The following SORCS3 variants were observed in gnomAD, a reference collection of about 807,000 sequenced individuals.
SORCS3 encodes the protein sortilin related VPS10 domain containing receptor 3, also known as VPS10 domain-containing receptor SorCS3.
SORCS3 carries 57 observed loss-of-function variants against 146.3 expected under a neutral mutation model. The ratio of observed to expected loss-of-function variants is 0.39; its 90% CI spans 0.31 to 0.49. SORCS3 has a LOEUF of 0.49. Among genes scored for constraint, SORCS3 ranks in the 20% least tolerant of loss-of-function variants. The pLI is 0.92. For missense variants in SORCS3, 1,341 were observed against 1,575.5 expected (o/e 0.85, Z 2.52); for synonymous variants, 653 against 618.5 (o/e 1.06, Z -0.83).
chr10:104,670,966 G>T (rs2015844199), intron 1 of SORCS3, among the ~76,000 whole-genome samples: 1 of 151,688 alleles, frequency 6.6e-6, no homozygotes, highest in African/African-American at 2.4e-5. Flanking sequence ...TTTTCCAATT[G>T]TTCCTTGTTA....
At chr10:104,901,654 G>T (rs1398175658) in intron 2 of SORCS3, among the ~76,000 whole-genome samples, 1 of 152,038 alleles carries the variant, frequency 6.6e-6, no homozygotes, top group Non-Finnish European at 1.5e-5. Context: ...GTGCTATGTC[G>T]TCTTGCCCAG....
At chr10:104,737,631 C>T (rs1175237895) in intron 1 of SORCS3, among the ~76,000 whole-genome samples, 75 of 151,796 alleles carry the variant, frequency 4.9e-4, no homozygotes, top group Admixed American at 2.1e-3. Context: ...GGGTTGTTTG[C>T]TTTTTTCTTG....
At chr10:104,849,692 A>C (rs1272930238) in intron 2 of SORCS3, among the ~76,000 whole-genome samples, 1 of 152,248 alleles carries the variant, frequency 6.6e-6, no homozygotes, top group Non-Finnish European at 1.5e-5. Flanking sequence ...TCAGTGAAAT[A>C]ATGCATGGAA....
At chr10:105,126,832 T>G (rs1218401553) in intron 7 of SORCS3, among the ~76,000 whole-genome samples, 2 of 152,112 alleles carry the variant, frequency 1.3e-5, no homozygotes, top group Non-Finnish European at 2.9e-5. Context: ...ACACACTGAG[T>G]AAATTGTTGT....
intron 2 of SORCS3, among the ~76,000 whole-genome samples, chr10:104,876,443 T>C (rs181247532): frequency 3.9e-5 from 6 of 152,304 alleles, no homozygotes; most frequent in Admixed American, 3.9e-4. Flanking sequence ...ACAGAGGTTG[T>C]CTGGCACTTA....
chr10:105,210,007 T>C (rs2056624602), intron 16 of SORCS3, among the ~76,000 whole-genome samples: 1 of 152,138 alleles, frequency 6.6e-6, no homozygotes, highest in African/African-American at 2.4e-5. Context: ...TTTTTAAGTT[T>C]TTTATTATTA....
chr10:105,082,519 G>C (rs2055632453), intron 5 of SORCS3, among the ~76,000 whole-genome samples: 1 of 152,154 alleles, frequency 6.6e-6, no homozygotes, highest in Admixed American at 6.6e-5. Context: ...ACTCTATGAA[G>C]TAGGTATTAT....
intron 19 of SORCS3, among the ~76,000 whole-genome samples, chr10:105,221,306 A>G (rs919463278): frequency 3.3e-5 from 5 of 152,214 alleles, no homozygotes; most frequent in African/African-American, 1.2e-4. Context: ...CCTATGACAC[A>G]GAATATGTCC....
rs150802742 is a variant in SORCS3, at chr10:104,774,921, T to C, written c.628-67871T>C. 3.4e-3 allele frequency among the ~76,000 whole-genome samples: 518 copies of C among 152,286 alleles called. 3 individuals carry two copies. Among genetic ancestry groups the C allele is most frequent in the African/African-American group, 0.012 (498 of 41,540 alleles). Reference sequence around the variant, plus strand: ...GAGCTGAGACATTCCTATTTAGGCTTGTTTTATGTTCTAATTCCCAAGGAC... The same window carrying C: ...GAGCTGAGACATTCCTATTTAGGCTCGTTTTATGTTCTAATTCCCAAGGAC... On this transcript the variant is annotated intron_variant, in intron 1 of 26. Coordinates refer to ENST00000369701, the MANE Select transcript of SORCS3 (RefSeq NM_014978.3).
At chr10:104,947,261 T>C (rs2019381555) in intron 3 of SORCS3, among the ~76,000 whole-genome samples, 1 of 152,118 alleles carries the variant, frequency 6.6e-6, no homozygotes, top group Admixed American at 6.5e-5. Context: ...AAAAAGCTTC[T>C]ATGGCAGTGA....
intron 2 of SORCS3, among the ~76,000 whole-genome samples, chr10:104,855,107 G>T (rs1444406149): frequency 6.6e-6 from 1 of 152,124 alleles, no homozygotes; most frequent in East Asian, 1.9e-4. Flanking sequence ...TCCTTGAATT[G>T]CTTTTGCCCC....
intron 13 of SORCS3, among the ~76,000 whole-genome samples, chr10:105,173,422 A>G (rs2056375949): frequency 6.6e-6 from 1 of 152,140 alleles, no homozygotes; most frequent in South Asian, 2.1e-4. Flanking sequence ...AATATTTTCC[A>G]TGACTTCTTT....
At chr10:105,075,023 C>T (rs2055580018) in intron 5 of SORCS3, among the ~76,000 whole-genome samples, 1 of 152,184 alleles carries the variant, frequency 6.6e-6, no homozygotes, top group Non-Finnish European at 1.5e-5. Context: ...GTTCCTTTTT[C>T]TTTCTTCTCC....
intron 6 of SORCS3, among the ~76,000 whole-genome samples, chr10:105,092,800 C>T (rs961517821): frequency 6.6e-6 from 1 of 152,048 alleles, no homozygotes; most frequent in African/African-American, 2.4e-5. Context: ...ACAAAAACCT[C>T]CCAATGGACT....
chr10:105,009,527 C>CAAAAAAAAAAA (rs35368294), intron 4 of SORCS3, among the ~76,000 whole-genome samples: 158 of 104,970 alleles, frequency 1.5e-3, no homozygotes, highest in East Asian at 4.4e-3. Context: ...AACAAACAAA[C>CAAAAAAAAAAA]AAAAAAAAAA....
intron 14 of SORCS3, among the ~76,000 whole-genome samples, chr10:105,182,559 C>A (rs1484420251): frequency 6.6e-6 from 1 of 152,084 alleles, no homozygotes; most frequent in Non-Finnish European, 1.5e-5. Flanking sequence ...TGCTATGCTG[C>A]CAGACACCAA....
intron 1 of SORCS3, among the ~76,000 whole-genome samples, chr10:104,821,423 A>C (rs1564691403): frequency 6.6e-6 from 1 of 152,124 alleles, no homozygotes; most frequent in Non-Finnish European, 1.5e-5. Context: ...GCAGGAAGAG[A>C]ACATGTGCAC....
chr10:105,112,489 C>A (rs1375824219), intron 7 of SORCS3, among the ~76,000 whole-genome samples: 1 of 152,000 alleles, frequency 6.6e-6, no homozygotes, highest in East Asian at 1.9e-4. Flanking sequence ...AGCAGAAAAC[C>A]CACAGACCAA....
At chr10:105,035,688 G>A (rs747692330) in intron 4 of SORCS3, among the ~76,000 whole-genome samples, 13 of 152,058 alleles carry the variant, frequency 8.5e-5, no homozygotes, top group African/African-American at 2.2e-4. Flanking sequence ...GGATGGTCTC[G>A]AACTCCTGAC....
Sources: gnomAD v4.1 joint callset for allele counts (sites outside exome capture counted in the v4.1 genomes callset) on GRCh38, gnomAD v4.1.1 for gene constraint, MANE v1.5 for transcripts, NCBI Gene and HGNC (gene_info 2026-07-23, HGNC 2026-07-21) for gene names.